FBN1: variants seen among roughly 807,000 people sequenced by gnomAD.
FBN1 encodes fibrillin-1.
A neutral mutation model predicts 365.1 loss-of-function variants in FBN1; 29 were observed. That is an observed-to-expected ratio of 0.08 (90% CI 0.06 to 0.11). The LOEUF (loss-of-function observed/expected upper bound fraction) is 0.11, where lower values mean the gene tolerates loss of function less well. Among genes scored for constraint, FBN1 ranks in the 10% least tolerant of loss-of-function variants. The probability of loss-of-function intolerance (pLI) is 1.00; values close to 1 mark genes in which losing one functional copy is unlikely to be tolerated. For synonymous variants in FBN1, 1,210 were observed against 1,270.5 expected (o/e 0.95, Z 1.01); for missense variants, 2,476 against 3,703.2 (o/e 0.67, Z 8.60).
At chr15:48,601,398 T>A (rs1035183442) in intron 4 of FBN1, among the ~76,000 whole-genome samples, 1 of 152,252 alleles carries the variant, frequency 6.6e-6, no homozygotes, top group Non-Finnish European at 1.5e-5. Context: ...TGCCTACACA[T>A]GGAGGCCAGG....
intron 9 of FBN1, 140 bp from the exon 10 acceptor site, chr15:48,520,957 C>T (rs556366418): frequency 6.3e-6 from 7 of 1,107,800 alleles, no homozygotes; most frequent in Non-Finnish European, 9.2e-6. Flanking sequence ...GGAAGGGAAG[C>T]TGCGAGCGCT....
intron 46 of FBN1, among the ~76,000 whole-genome samples, chr15:48,448,025 A>G (rs928949642): frequency 2.6e-5 from 4 of 152,170 alleles, no homozygotes; most frequent in Non-Finnish European, 1.5e-5. Flanking sequence ...CCCAGTGATG[A>G]GTAGGGCTGT....
chr15:48,530,661 T>C (rs945291418), intron 8 of FBN1, among the ~76,000 whole-genome samples: 3 of 152,014 alleles, frequency 2.0e-5, no homozygotes, highest in Admixed American at 6.5e-5. Context: ...GCCCCATCTA[T>C]GGTAGTGGGT....
chr15:48,415,168 C>T (rs944539434), intron 64 of FBN1, among the ~76,000 whole-genome samples: 6 of 152,112 alleles, frequency 3.9e-5, no homozygotes, highest in African/African-American at 1.2e-4. Flanking sequence ...CCTCCCTGCC[C>T]CAGGAGAAGA....
chr15:48,438,852 G>A (rs746329784), intron 50 of FBN1, among the ~76,000 whole-genome samples: 9 of 152,090 alleles, frequency 5.9e-5, no homozygotes, highest in Non-Finnish European at 1.0e-4. Context: ...CAGAGGTATG[G>A]ACTGTGTTTT....
intron 4 of FBN1, among the ~76,000 whole-genome samples, chr15:48,603,485 T>A (rs1465516350): frequency 1.3e-5 from 2 of 152,256 alleles, no homozygotes; most frequent in Admixed American, 6.5e-5. Context: ...GTAGTTTCAC[T>A]GTACACGCAG....
intron 53 of FBN1, among the ~76,000 whole-genome samples, chr15:48,435,691 C>CATATAT (rs57851364): frequency 1.8e-5 from 1 of 55,040 alleles, no homozygotes; most frequent in Non-Finnish European, 3.4e-5. Flanking sequence ...TGTGTGTGTG[C>CATATAT]ATGTGTGTGT....
intron 6 of FBN1, among the ~76,000 whole-genome samples, chr15:48,568,485 T>A (rs2140667901): frequency 6.6e-6 from 1 of 152,198 alleles, no homozygotes; most frequent in South Asian, 2.1e-4. Flanking sequence ...AATGCAATGT[T>A]TTGTGGAAAC....
intron 55 of FBN1, 145 bp downstream of exon 55, chr15:48,432,721 A>C: frequency 9.9e-7 from 1 of 1,007,128 alleles, no homozygotes; most frequent in Non-Finnish European, 1.5e-6. Context: ...TTTAGGGGGA[A>C]ACGTGGCAGT....
rs2043779254 is a variant in FBN1 at position 48,513,671 on chromosome 15, G to C, written c.1469-3C>G. ...GTTTTTCTCACATTCATCAACATCT[G>C]CAAAGCACAATGTATTTTAGTGCAA... On this transcript the variant is annotated splice_region_variant and splice_polypyrimidine_tract_variant and intron_variant, in intron 12 of 65. Coordinates refer to ENST00000316623, the MANE Select transcript of FBN1 (RefSeq NM_000138.5). The C allele has an allele frequency of 6.2e-7, 1 of 1,613,820 alleles. No individual in the cohort carries two copies. The highest frequency in any genetic ancestry group is 8.5e-7 in the Non-Finnish European group (1 of 1,179,854).
intron 6 of FBN1, among the ~76,000 whole-genome samples, chr15:48,565,208 G>A (rs1268504178): frequency 6.6e-6 from 1 of 152,090 alleles, no homozygotes. Flanking sequence ...TATAGTAAGT[G>A]CATCATACAT....
Position 48,463,930 on chromosome 15 carries a change from G to A in FBN1, c.5034C>T (p.Tyr1678=). ...AATTATTTCCCCCATTCACTTGCATGTAGTCTGGAGGACAGATACAGGTGT... is the reference window on the plus strand; with the variant it reads ...AATTATTTCCCCCATTCACTTGCATATAGTCTGGAGGACAGATACAGGTGT... The part of the protein sequence containing the change: ...GNYTCICPPD[Y]MQVNGGNNCM... The change falls in exon 41 of 66, where the codon TAC becomes TAT. Residue 1678 remains tyrosine, a synonymous_variant. Coordinates refer to ENST00000316623, the MANE Select transcript of FBN1 (RefSeq NM_000138.5). The A allele has an allele frequency of 1.2e-6, 2 of 1,613,866 alleles. No homozygotes were observed. The highest frequency in any genetic ancestry group is 1.3e-5 in the African/African-American group (1 of 75,028).
intron 2 of FBN1, chr15:48,642,782 T>G (rs1464329143): frequency 1.3e-5 from 2 of 152,144 alleles, no homozygotes; most frequent in African/African-American, 4.8e-5. Context: ...TACCCTGTTT[T>G]TAGGAAGGCT....
At chr15:48,511,487 GT>G (rs1407427560) in intron 13 of FBN1, among the ~76,000 whole-genome samples, 1 of 151,744 alleles carries the variant, frequency 6.6e-6, no homozygotes, top group Non-Finnish European at 1.5e-5. Context: ...AGGATAAAAA[GT>G]TCATATTTTT....
At chr15:48,481,515 C>A in intron 32 of FBN1, 140 bp downstream of exon 32, 1 of 967,958 alleles carries the variant, frequency 1.0e-6, no homozygotes, top group South Asian at 1.9e-5. Flanking sequence ...GAAGTGGAAG[C>A]TAAATTAATG....
intron 56 of FBN1, among the ~76,000 whole-genome samples, chr15:48,429,278 T>A (rs569334745): frequency 6.6e-6 from 1 of 152,352 alleles, no homozygotes; most frequent in Admixed American, 6.5e-5. Flanking sequence ...TGGGGGAGTT[T>A]GTCTAGATTA....
In FBN1 at chr15:48,465,657, T is replaced by C. The variant is rs2043314733; in HGVS notation, c.4853A>G (p.Gln1618Arg). 6.2e-7 allele frequency: 1 copy of C among 1,614,086 alleles called. No homozygotes were observed. The highest frequency in any genetic ancestry group is 8.5e-7 in the Non-Finnish European group (1 of 1,179,968). ...DECQELPGLC[Q>R]GGKCINTFGS... ...AAAGGTGTTGATACATTTTCCTCCT[T>C]GGCACAGCCCTGGTAGCTCCTGGCA... is the stretch of plus-strand genomic sequence containing the variant. Residue 1618 changes from glutamine to arginine, a missense_variant, in exon 40 of 66, where the codon CAA (glutamine) becomes CGA (arginine). Gln to Arg is a conservative substitution (Grantham distance 43). Coordinates refer to ENST00000316623, the MANE Select transcript of FBN1 (RefSeq NM_000138.5).
chr15:48,499,935 C>A (rs542955483), intron 17 of FBN1, among the ~76,000 whole-genome samples: 1 of 152,194 alleles, frequency 6.6e-6, no homozygotes, highest in African/African-American at 2.4e-5. Flanking sequence ...AGGCTGACTG[C>A]ACCTCACTGC....
chr15:48,460,885 CTCTCTGTCTT>C (rs1205275917), intron 42 of FBN1, among the ~76,000 whole-genome samples: 1 of 152,126 alleles, frequency 6.6e-6, no homozygotes, highest in Non-Finnish European at 1.5e-5. Flanking sequence ...TTTTCTGTCT[CTCTCTGTCTT>C]TCTCTCACTT....
Sources: allele counts gnomAD v4.1 joint callset (sites outside exome capture counted in the v4.1 genomes callset), GRCh38; gene constraint gnomAD v4.1.1; transcripts MANE v1.5; gene names NCBI Gene and HGNC (gene_info 2026-07-23, HGNC 2026-07-21).